Variants in VRK3 observed in about 807,000 individuals in gnomAD.
VRK3 encodes VRK serine/threonine kinase 3, also known as serine/threonine-protein kinase VRK3.
In VRK3, 50 loss-of-function variants were observed where a neutral mutation model predicts 60.4. That is an observed-to-expected ratio of 0.83 (90% confidence interval 0.66 to 1.05). The LOEUF (loss-of-function observed/expected upper bound fraction) is 1.05, where lower values mean the gene tolerates loss of function less well. Among genes scored for constraint, VRK3 ranks in the 50% least tolerant of loss-of-function variants. The probability of loss-of-function intolerance (pLI) is 0.00; values close to 1 mark genes in which losing one functional copy is unlikely to be tolerated. For missense variants in VRK3, 549 were observed against 585.3 expected (o/e 0.94, Z 0.64); for synonymous variants, 246 against 227.8 (o/e 1.08, Z -0.72).
chr19:49,991,038 C>T (rs1193716161), intron 10 of VRK3, among the ~76,000 whole-genome samples: 2 of 152,172 alleles, frequency 1.3e-5, no homozygotes, highest in Non-Finnish European at 2.9e-5. Flanking sequence ...TCCGATCCTT[C>T]CACTTTGGCC....
chr19:49,985,653 C>T (rs1311162476), intron 12 of VRK3, among the ~76,000 whole-genome samples: 1 of 152,210 alleles, frequency 6.6e-6, no homozygotes, highest in African/African-American at 2.4e-5. Context: ...ATGTGTTTCA[C>T]CCTTTAGCTC....
At chr19:49,986,782 C>A (rs1175210252) in intron 12 of VRK3, 1 of 152,268 alleles carries the variant, frequency 6.6e-6, no homozygotes, top group African/African-American at 2.4e-5. Flanking sequence ...ATCTCATCCT[C>A]TCCTGGGGCT....
rs780670871 is a variant in VRK3 at position 49,997,533 on chromosome 19, A to T, written c.650T>A (p.Phe217Tyr). 1.9e-6 allele frequency: 3 copies of T among 1,613,912 alleles called. No homozygotes were observed. The highest frequency in any genetic ancestry group is 1.1e-5 in the South Asian group (1 of 91,062). ...CAGAGGCTTGGCGGCCCGCTGGAAG[A>T]AGTTCTGCTCATTGAACAAGCGCCC... is the stretch of plus-strand genomic sequence containing the variant. Reference protein sequence around the residue: ...KDGRLFNEQNFFQRAAKPLQV... With the variant: ...KDGRLFNEQNYFQRAAKPLQV... The change falls in exon 7 of 15, where the codon TTC becomes TAC. Residue 217 changes from phenylalanine (F) to tyrosine (Y), a missense_variant. Coordinates refer to ENST00000316763, the MANE Select transcript of VRK3 (RefSeq NM_016440.4).
chr19:50,019,715 C>CTTTTTTTTTTTTTTT (rs1225686835), intron 2 of VRK3, among the ~76,000 whole-genome samples: 170 of 50,340 alleles, frequency 3.4e-3, no homozygotes, highest in Non-Finnish European at 4.0e-3. Flanking sequence ...TTTTTTTTTA[C>CTTTTTTTTTTTTTTT]TTTTTGTAGA....
chr19:50,005,943 C>T (rs752815312), intron 5 of VRK3, among the ~76,000 whole-genome samples: 9 of 148,930 alleles, frequency 6.0e-5, no homozygotes, highest in Non-Finnish European at 1.2e-4. Context: ...TAGATAGTGA[C>T]GATGGTTGCA....
At chr19:50,023,857 G>A (rs926351442) in intron 1 of VRK3, among the ~76,000 whole-genome samples, 11 of 152,298 alleles carry the variant, frequency 7.2e-5, no homozygotes, top group Admixed American at 3.3e-4. Context: ...TAAAAAAGAC[G>A]TGCCACTTAG....
At chr19:50,020,838 C>A (rs911780233) in intron 1 of VRK3, among the ~76,000 whole-genome samples, 191 bp from the exon 2 acceptor site, 1 of 152,212 alleles carries the variant, frequency 6.6e-6, no homozygotes, top group Non-Finnish European at 1.5e-5. Flanking sequence ...GCAAAGGAAA[C>A]AACACAGCCC....
At chr19:49,982,496 A>G (rs1253900366) in intron 12 of VRK3, among the ~76,000 whole-genome samples, 24 of 152,286 alleles carry the variant, frequency 1.6e-4, no homozygotes, top group Admixed American at 1.5e-3. Flanking sequence ...ACAGGAAAAA[A>G]TGTATCATTA....
chr19:50,001,063 G>C (rs1224625169), intron 5 of VRK3: 1 of 542,532 alleles, frequency 1.8e-6, no homozygotes. Flanking sequence ...CATGCAGGAA[G>C]GGCTAATGCA....
rs940554351 is a variant in VRK3 at position 50,020,629 on chromosome 19, A to C, written c.-46T>G. The C allele has an allele frequency of 2.6e-5, 4 of 152,084 alleles. No homozygotes were observed. The highest frequency in any genetic ancestry group is 4.4e-5 in the Non-Finnish European group (3 of 68,016). 9.4% of individuals were successfully genotyped at this position (152,084 alleles called of 1,614,324 possible). ...GGCCCTTGGATTTACTGGGTTGGAA[A>C]CTCCATCTTGACAGCGACCTGTAAG... is the stretch of plus-strand genomic sequence containing the variant. On this transcript the variant is annotated 5_prime_UTR_variant, in exon 2 of 15. Transcript: ENST00000316763.
At chr19:49,983,279 T>C (rs528140847) in intron 12 of VRK3, among the ~76,000 whole-genome samples, 1 of 152,310 alleles carries the variant, frequency 6.6e-6, no homozygotes, top group South Asian at 2.1e-4. Flanking sequence ...CCTCTGCACA[T>C]ATCGCTCTCG....
chr19:50,006,769 C>T (rs1282642981), intron 5 of VRK3, among the ~76,000 whole-genome samples: 1 of 152,212 alleles, frequency 6.6e-6, no homozygotes, highest in Non-Finnish European at 1.5e-5. Context: ...GTGCTTAGAA[C>T]AGGCCTGGCC....
At chr19:49,979,287 C>A in intron 13 of VRK3, 45 bp from the exon 14 acceptor site, 1 of 1,613,032 alleles carries the variant, frequency 6.2e-7, no homozygotes, top group Non-Finnish European at 8.5e-7. Flanking sequence ...TGAGAGGCAT[C>A]CCCCAACCCC....
Position 50,025,328 on chromosome 19 carries a change from G to GCAGTTACCCGGACTCACCTTCT in VRK3, c.-148_-127dup, listed in dbSNP as rs1254710563. ...CTGCAGCCTGACCCTCGGATCCTCC[G>GCAGTTACCCGGACTCACCTTCT]CAGTTACCCGGACTCACCTTCTCAG... On this transcript the variant is annotated 5_prime_UTR_variant, in exon 1 of 15. Coordinates refer to ENST00000316763, the MANE Select transcript of VRK3 (RefSeq NM_016440.4). The GCAGTTACCCGGACTCACCTTCT allele has an allele frequency of 1.3e-5, 2 of 152,284 alleles. No homozygotes were observed. Among genetic ancestry groups the GCAGTTACCCGGACTCACCTTCT allele is most frequent in the Non-Finnish European group, 2.9e-5 (2 of 68,108 alleles). 9.4% of individuals were successfully genotyped at this position (152,284 alleles called of 1,614,324 possible).
intron 10 of VRK3, among the ~76,000 whole-genome samples, chr19:49,992,178 C>T (rs757842403): frequency 9.9e-5 from 15 of 152,132 alleles, no homozygotes; most frequent in African/African-American, 2.7e-4. Context: ...GAGGCAAAGG[C>T]GGGCGGATCA....
rs766909848 is a variant in VRK3 at position 50,009,297 on chromosome 19, G to A, written c.228C>T (p.Leu76=). The A allele has an allele frequency of 6.2e-7, 1 of 1,614,078 alleles. No homozygotes were observed. Among genetic ancestry groups the A allele is most frequent in the African/African-American group, 1.3e-5 (1 of 74,924 alleles). The change falls in exon 4 of 15, where the codon CTC becomes CTT. Residue 76 remains leucine, a synonymous_variant. Coordinates refer to ENST00000316763, the MANE Select transcript of VRK3 (RefSeq NM_016440.4). The stretch of plus-strand genomic sequence containing the variant: ...ACTCAGAACTGTCACCATCTGAGAA[G>A]AGGGATAATCGGGGAGAGGTGACGG... ...SSTVTSPRLS[L]FSDGDSSESE...
intron 10 of VRK3, among the ~76,000 whole-genome samples, chr19:49,991,507 TAATA>T (rs2076610959): frequency 6.8e-6 from 1 of 147,516 alleles, no homozygotes; most frequent in South Asian, 2.1e-4. Flanking sequence ...CAATTCCTTA[TAATA>T]AATCTCTACA....
chr19:49,990,825 C>A (rs936220379), intron 10 of VRK3, among the ~76,000 whole-genome samples: 1 of 151,720 alleles, frequency 6.6e-6, no homozygotes, highest in Non-Finnish European at 1.5e-5. Context: ...CACTGGGTCA[C>A]GCAGGTTGGA....
rs2122591942 is a variant in VRK3, at chr19:50,016,031, G to C, written c.132C>G (p.Ser44=). 6.2e-7 allele frequency: 1 copy of C among 1,614,188 alleles called. No homozygotes were observed. The stretch of plus-strand genomic sequence containing the variant: ...CAATGCTCTGGTTCTTACCTTGGAA[G>C]GATGACACATGTGGATTGACAAAGG... The part of the protein sequence containing the change: ...SQTFVNPHVS[S]FQGSKRGLNS... The change falls in exon 3 of 15, where the codon TCC becomes TCG. Residue 44 remains serine (S), a synonymous_variant. Transcript: ENST00000316763.
Sources: gnomAD v4.1 joint callset for allele counts (sites outside exome capture counted in the v4.1 genomes callset) on GRCh38, gnomAD v4.1.1 for gene constraint, MANE v1.5 for transcripts, NCBI Gene and HGNC (gene_info 2026-07-23, HGNC 2026-07-21) for gene names.